Variants in SLC24A4 observed in about 807,000 individuals in gnomAD.
SLC24A4 encodes the protein sodium/potassium/calcium exchanger 4.
Under a neutral mutation model 79.0 loss-of-function variants are expected in SLC24A4, and 53 were observed. That is an observed-to-expected ratio of 0.67 (90% CI 0.54 to 0.84). The LOEUF (loss-of-function observed/expected upper bound fraction) is 0.84. Ranked by LOEUF, SLC24A4 falls within the 40% of genes least tolerant of loss-of-function variation. The probability of loss-of-function intolerance (pLI) is 0.00; values close to 1 mark genes in which losing one functional copy is unlikely to be tolerated. For synonymous variants in SLC24A4, 323 were observed against 323.8 expected (o/e 1.00, Z 0.03); for missense variants, 731 against 822.0 (o/e 0.89, Z 1.35).
Position 92,493,727 on chromosome 14 carries a change from A to C in SLC24A4, c.*99A>C. Reference sequence around the variant, plus strand: ...CACCACAGGTCTCTCCTGCATAGGCAGCCACTGTCCGTTCTTTCACACACT... The same window carrying C: ...CACCACAGGTCTCTCCTGCATAGGCCGCCACTGTCCGTTCTTTCACACACT... On this transcript the variant is annotated 3_prime_UTR_variant, in exon 17 of 17. Coordinates refer to ENST00000532405, the MANE Select transcript of SLC24A4 (RefSeq NM_153646.4). 3 of 1,366,876 alleles carry C rather than the reference A, an allele frequency of 2.2e-6. No individual in the cohort carries two copies. The South Asian group carries it at 4.1e-5, about 19-fold the overall frequency. The allele number at this position is 1,366,876 out of a possible 1,614,324, so 84.7% of individuals were successfully genotyped here.
At chr14:92,484,738 C>T in intron 13 of SLC24A4, 1 of 985,356 alleles carries the variant, frequency 1.0e-6, no homozygotes, top group South Asian at 4.7e-5. Flanking sequence ...CCCTCCTGAC[C>T]ACTCCCTTTC....
At chr14:92,423,644 A>AAATATTTACT (rs1438404259) in intron 2 of SLC24A4, among the ~76,000 whole-genome samples, 3 of 152,166 alleles carry the variant, frequency 2.0e-5, no homozygotes, top group Non-Finnish European at 1.5e-5. Flanking sequence ...AAACAACCCA[A>AAATATTTACT]AATATTTACT....
At chr14:92,439,444 C>G (rs974385325) in intron 4 of SLC24A4, 35 bp downstream of exon 4, 3 of 1,581,730 alleles carry the variant, frequency 1.9e-6, no homozygotes, top group African/African-American at 2.7e-5. Flanking sequence ...CTTGGTGAAG[C>G]CTTGAAGACA....
chr14:92,488,074 CTTTTTTT>C (rs777031420), intron 14 of SLC24A4, among the ~76,000 whole-genome samples: 1 of 138,780 alleles, frequency 7.2e-6, no homozygotes, highest in African/African-American at 2.7e-5. Context: ...CCTTCTTCCT[CTTTTTTT>C]TTTTTTTTGT....
At chr14:92,483,696 A>G (rs1223049716) in intron 13 of SLC24A4, 2 of 1,270,086 alleles carry the variant, frequency 1.6e-6, no homozygotes, top group African/African-American at 3.2e-5. Context: ...ATACCACCTA[A>G]TGGGGTCCCT....
intron 2 of SLC24A4, among the ~76,000 whole-genome samples, chr14:92,335,607 C>A (rs1217685663): frequency 7.9e-5 from 12 of 152,132 alleles, no homozygotes; most frequent in Admixed American, 4.6e-4. Context: ...AGGTGATCCA[C>A]CTGCCTTGGC....
intron 2 of SLC24A4, among the ~76,000 whole-genome samples, chr14:92,406,634 T>C (rs892120274): frequency 1.6e-4 from 25 of 152,174 alleles, no homozygotes; most frequent in African/African-American, 6.0e-4. Context: ...GGGGATTACA[T>C]CCTCTGAAAC....
At chr14:92,379,950 G>A (rs12891074) in intron 2 of SLC24A4, among the ~76,000 whole-genome samples, 61,766 of 151,996 alleles carry the variant, frequency 0.41, 14,054 homozygotes, top group East Asian at 0.8. Flanking sequence ...GTGGCACTCA[G>A]TACTCCCTGA....
At chr14:92,363,446 G>A (rs1335313987) in intron 2 of SLC24A4, among the ~76,000 whole-genome samples, 3 of 152,222 alleles carry the variant, frequency 2.0e-5, no homozygotes, top group African/African-American at 7.2e-5. Context: ...GGCACTTGAC[G>A]ATTTCACACC....
intron 12 of SLC24A4, among the ~76,000 whole-genome samples, chr14:92,478,733 C>A (rs1321803522): frequency 6.7e-6 from 1 of 149,406 alleles, no homozygotes; most frequent in East Asian, 2.0e-4. Flanking sequence ...TTGTCAGTTT[C>A]TGCTCAGCTA....
At chr14:92,358,963 G>C (rs1311700176) in intron 2 of SLC24A4, among the ~76,000 whole-genome samples, 1 of 151,978 alleles carries the variant, frequency 6.6e-6, no homozygotes, top group South Asian at 2.1e-4. Context: ...TGGGATTACA[G>C]GTGTGAGCCA....
chr14:92,351,939 G>GAAAGC (rs1886916354), intron 2 of SLC24A4, among the ~76,000 whole-genome samples: 1 of 151,858 alleles, frequency 6.6e-6, no homozygotes, highest in East Asian at 1.9e-4. Context: ...GAAAGGAAAG[G>GAAAGC]AAAAGAAAGG....
chr14:92,439,521 T>TGGG (rs1892374108), intron 4 of SLC24A4, 112 bp downstream of exon 4: 1 of 977,384 alleles, frequency 1.0e-6, no homozygotes, highest in Non-Finnish European at 1.6e-6. Context: ...TGGCAAAGAC[T>TGGG]GTCACACCGA....
chr14:92,447,192 C>A (rs1285200640), intron 8 of SLC24A4, among the ~76,000 whole-genome samples, 179 bp from the exon 9 acceptor site: 1 of 152,208 alleles, frequency 6.6e-6, no homozygotes, highest in Admixed American at 6.5e-5. Context: ...AAGAGGGCTG[C>A]TGGTGGCAAG....
intron 2 of SLC24A4, among the ~76,000 whole-genome samples, chr14:92,355,472 A>G (rs1431543602): frequency 6.6e-6 from 1 of 152,226 alleles, no homozygotes; most frequent in Non-Finnish European, 1.5e-5. Flanking sequence ...CCAAAAGTTC[A>G]AAAGCTAGCT....
intron 2 of SLC24A4, among the ~76,000 whole-genome samples, chr14:92,429,082 C>T (rs544635491): frequency 3.3e-5 from 5 of 152,058 alleles, no homozygotes; most frequent in Non-Finnish European, 7.3e-5. Flanking sequence ...TCCTGGCAAT[C>T]GTGCCCACTT....
At chr14:92,390,386 C>A (rs1016180490) in intron 2 of SLC24A4, among the ~76,000 whole-genome samples, 3 of 152,102 alleles carry the variant, frequency 2.0e-5, no homozygotes, top group Non-Finnish European at 4.4e-5. Flanking sequence ...AGCCTGTCAG[C>A]CCTTGTTATA....
At chr14:92,346,508 A>G (rs893969262) in intron 2 of SLC24A4, among the ~76,000 whole-genome samples, 1 of 152,220 alleles carries the variant, frequency 6.6e-6, no homozygotes, top group South Asian at 2.1e-4. Flanking sequence ...ACACGTTGGG[A>G]TGAGATCTGA....
Position 92,490,674 on chromosome 14 carries a change from A to G in SLC24A4, c.1538-991A>G, listed in dbSNP as rs772411622. Among the ~76,000 whole-genome samples, 36 of 152,064 alleles carry G rather than the reference A, an allele frequency of 2.4e-4. No individual in the cohort carries two copies. The highest frequency in any genetic ancestry group is 4.3e-4 in the Non-Finnish European group (29 of 68,008). ...CCTCAGTTTCATCTTCTGTCACGCG[A>G]GGTTATGCCCCACTCCGGCCTCCAG... is the stretch of plus-strand genomic sequence containing the variant. On this transcript the variant is annotated intron_variant, in intron 14 of 16. Coordinates refer to ENST00000532405, the MANE Select transcript of SLC24A4 (RefSeq NM_153646.4). The surrounding 1 kb of genome is among the most constrained non-coding windows in gnomAD (Gnocchi z 4.3).
Sources: allele counts gnomAD v4.1 joint callset (sites outside exome capture counted in the v4.1 genomes callset), GRCh38; gene constraint gnomAD v4.1.1; non-coding constraint Gnocchi (gnomAD v3.1); transcripts MANE v1.5; gene names NCBI Gene and HGNC (gene_info 2026-07-23, HGNC 2026-07-21).